Variants in TRAPPC9 observed in about 807,000 individuals in gnomAD.
The protein encoded by TRAPPC9 is IKK2 binding protein.
A neutral mutation model predicts 124.0 loss-of-function variants in TRAPPC9; 83 were observed. That is an observed-to-expected ratio of 0.67 (90% confidence interval 0.56 to 0.80). The LOEUF (loss-of-function observed/expected upper bound fraction) is 0.80, where lower values mean the gene tolerates loss of function less well. Among genes scored for constraint, TRAPPC9 ranks in the 30% least tolerant of loss-of-function variants. TRAPPC9 has a pLI of 0.00. For missense variants in TRAPPC9, 1,302 were observed against 1,508.3 expected (o/e 0.86, Z 2.27); for synonymous variants, 638 against 617.5 (o/e 1.03, Z -0.49).
chr8:140,450,873 G>A lies in TRAPPC9; in HGVS notation c.501C>T (p.Ala167=). 1 of 1,614,036 alleles carries A rather than the reference G, an allele frequency of 6.2e-7. No individual in the cohort carries two copies. Among genetic ancestry groups the A allele is most frequent in the Non-Finnish European group, 8.5e-7 (1 of 1,179,992 alleles). Residue 167 remains alanine, a synonymous_variant, in exon 2 of 23, where the codon GCC becomes GCT. Coordinates refer to ENST00000438773, the MANE Select transcript of TRAPPC9 (RefSeq NM_001160372.4). ...IVLESKRLDR[A]TDKSGDKIPL... is the part of the protein sequence containing the mutation. ...GGATCTTATCCCCAGACTTGTCTGT[G>A]GCTCTGTCCAGACGCTTGGACTCCA...
intron 9 of TRAPPC9, among the ~76,000 whole-genome samples, chr8:140,318,456 C>T (rs2066498058): frequency 6.6e-6 from 1 of 152,278 alleles, no homozygotes; most frequent in African/African-American, 2.4e-5. Flanking sequence ...TGCTGTGCAA[C>T]AGATCTCAAA....
chr8:139,891,606 C>T (rs975051480), intron 20 of TRAPPC9, among the ~76,000 whole-genome samples: 2 of 152,240 alleles, frequency 1.3e-5, no homozygotes, highest in Non-Finnish European at 2.9e-5. Flanking sequence ...GGCCACGGGC[C>T]AGGTGGGATT....
intron 7 of TRAPPC9, among the ~76,000 whole-genome samples, chr8:140,389,885 G>A (rs1001111315): frequency 6.7e-6 from 1 of 148,958 alleles, no homozygotes; most frequent in Non-Finnish European, 1.5e-5. Context: ...AAAAGAAAAT[G>A]AGAATTCTAG....
intron 6 of TRAPPC9, among the ~76,000 whole-genome samples, chr8:140,402,238 GA>G (rs1481751521): frequency 6.6e-6 from 1 of 151,620 alleles, no homozygotes; most frequent in Non-Finnish European, 1.5e-5. Flanking sequence ...GGTGCGGTGG[GA>G]TGCACCTGTA....
chr8:140,375,318 G>A (rs2068405839), intron 7 of TRAPPC9, among the ~76,000 whole-genome samples: 1 of 152,334 alleles, frequency 6.6e-6, no homozygotes, highest in Middle Eastern at 3.4e-3. Context: ...GTTTATGTGA[G>A]GTTCCAACGA....
At chr8:140,229,591 C>T (rs2063544543) in intron 16 of TRAPPC9, among the ~76,000 whole-genome samples, 1 of 150,762 alleles carries the variant, frequency 6.6e-6, no homozygotes, top group Non-Finnish European at 1.5e-5. Flanking sequence ...TTTTTTGAGA[C>T]AGAGTCTTAC....
chr8:140,109,993 G>C (rs556559462), intron 17 of TRAPPC9, among the ~76,000 whole-genome samples: 58 of 152,080 alleles, frequency 3.8e-4, no homozygotes, highest in Non-Finnish European at 7.6e-4. Context: ...CCTCTGCTGT[G>C]TTCCAAGAGA....
intron 17 of TRAPPC9, among the ~76,000 whole-genome samples, chr8:140,027,654 A>G (rs1840234344): frequency 6.6e-6 from 1 of 152,302 alleles, no homozygotes; most frequent in South Asian, 2.1e-4. Context: ...AAGTTGTATT[A>G]CTCCATTCTC....
intron 2 of TRAPPC9, among the ~76,000 whole-genome samples, chr8:140,442,474 C>T (rs937994187): frequency 1.3e-5 from 2 of 151,198 alleles, no homozygotes; most frequent in African/African-American, 4.9e-5. Context: ...TGGCAGGCGC[C>T]GTAGTCCCAG....
chr8:139,872,529 T>C (rs1328817384), intron 21 of TRAPPC9, among the ~76,000 whole-genome samples: 1 of 126,294 alleles, frequency 7.9e-6, no homozygotes, highest in East Asian at 2.4e-4. Context: ...AGTGGGTGGA[T>C]GGATGGATGG....
chr8:140,382,003 C>T (rs1420237414), intron 7 of TRAPPC9, among the ~76,000 whole-genome samples: 1 of 152,200 alleles, frequency 6.6e-6, no homozygotes, highest in Non-Finnish European at 1.5e-5. Context: ...AAACTTTGTT[C>T]CCACAAAATA....
chr8:139,791,050 G>T (rs1563815409), intron 21 of TRAPPC9, among the ~76,000 whole-genome samples: 4 of 152,126 alleles, frequency 2.6e-5, no homozygotes, highest in Admixed American at 2.6e-4. Context: ...AGAACCACGA[G>T]CCAATTCACC....
intron 17 of TRAPPC9, among the ~76,000 whole-genome samples, chr8:140,109,835 G>A (rs2060731188): frequency 6.6e-6 from 1 of 152,226 alleles, no homozygotes; most frequent in Admixed American, 6.5e-5. Flanking sequence ...GGCCACGCAG[G>A]CCAGCCTGCC....
intron 17 of TRAPPC9, chr8:140,095,138 G>A (rs1024441664): frequency 1.3e-5 from 2 of 152,218 alleles, no homozygotes. Context: ...TACACAAGCA[G>A]CAAGGACCCC....
chr8:139,936,537 C>A (rs985139297), intron 19 of TRAPPC9, among the ~76,000 whole-genome samples: 2 of 152,234 alleles, frequency 1.3e-5, no homozygotes, highest in Non-Finnish European at 2.9e-5. Context: ...AAAGGTAGAG[C>A]AGAGCCACTA....
chr8:140,259,327 T>C lies in TRAPPC9; in HGVS notation c.2279-6398A>G, dbSNP rs954588446. Among the ~76,000 whole-genome samples, 6 of 152,124 alleles carry C rather than the reference T, an allele frequency of 3.9e-5. No individual in the cohort carries two copies. The East Asian group carries it at 5.8e-4, about 15-fold the overall frequency. On this transcript the variant is annotated intron_variant, in intron 15 of 22. Transcript: ENST00000438773. ...TGGGCTCCAACACACACGCCTCTAGTGGAACACCATCCAGGTACCAAGCAG... is the reference window on the plus strand; with the variant it reads ...TGGGCTCCAACACACACGCCTCTAGCGGAACACCATCCAGGTACCAAGCAG...
chr8:140,284,992 G>A (rs1588093247), intron 13 of TRAPPC9, among the ~76,000 whole-genome samples: 1 of 152,172 alleles, frequency 6.6e-6, no homozygotes, highest in Non-Finnish European at 1.5e-5. Flanking sequence ...TGTCTGCTAA[G>A]CAGCCATTAT....
intron 10 of TRAPPC9, among the ~76,000 whole-genome samples, chr8:140,309,835 C>T (rs941886164): frequency 3.0e-4 from 46 of 152,310 alleles, no homozygotes; most frequent in African/African-American, 9.9e-4. Context: ...CTCCAAACAG[C>T]GGTGTTGCAA....
chr8:140,445,430 C>T (rs1453482610), intron 2 of TRAPPC9, among the ~76,000 whole-genome samples: 1 of 152,206 alleles, frequency 6.6e-6, no homozygotes, highest in Non-Finnish European at 1.5e-5. Flanking sequence ...CAGCCCAGGA[C>T]AAGGACTCAA....
Sources: gnomAD v4.1 joint callset for allele counts (sites outside exome capture counted in the v4.1 genomes callset) on GRCh38, gnomAD v4.1.1 for gene constraint, MANE v1.5 for transcripts, NCBI Gene and HGNC (gene_info 2026-07-23, HGNC 2026-07-21) for gene names.